The following SHANK2 variants were observed in gnomAD, a reference collection of about 807,000 sequenced individuals.
SHANK2 encodes SH3 and multiple ankyrin repeat domains 2.
In SHANK2, 43 loss-of-function variants were observed where a neutral mutation model predicts 133.7. The ratio of observed to expected loss-of-function variants is 0.32; its 90% CI spans 0.25 to 0.41. SHANK2 has a LOEUF of 0.41. Ranked by LOEUF, SHANK2 falls within the 10% of genes least tolerant of loss-of-function variation. SHANK2 has a pLI of 1.00. For missense variants in SHANK2, 1,994 were observed against 2,235.8 expected, an observed-to-expected ratio of 0.89 and a Z score of 2.18; for synonymous variants, 1,017 against 952.8, an observed-to-expected ratio of 1.07 and a Z score of -1.24.
At chr11:70,566,156 G>A (rs1367386359) in intron 17 of SHANK2, among the ~76,000 whole-genome samples, 1 of 152,040 alleles carries the variant, frequency 6.6e-6, no homozygotes, top group East Asian at 1.9e-4. Flanking sequence ...ACAGTATGGG[G>A]GAGAATGACC....
chr11:70,570,076 C>T (rs1554982779), intron 17 of SHANK2, among the ~76,000 whole-genome samples: 1 of 152,210 alleles, frequency 6.6e-6, no homozygotes, highest in Non-Finnish European at 1.5e-5. Context: ...GCCTCATAAG[C>T]TGTCGCTACC....
At position 70,863,494 on chromosome 11, in the gene SHANK2, C is replaced by A. The variant is rs781826836; in HGVS notation, c.1174+33007G>T. On this transcript the variant is annotated intron_variant, in intron 11 of 25. Transcript: ENST00000601538. ...AGACACGGATTCTGTGGGGGGTTTT[C>A]CTTATCTCTAGGACTCGCCCACCTG... 8.7e-6 allele frequency: 4 copies of A among 457,866 alleles called. 1 individual carries two copies. Among genetic ancestry groups the A allele is most frequent in the South Asian group, 6.2e-5 (4 of 64,572 alleles). 28.4% of individuals were successfully genotyped at this position (457,866 alleles called of 1,614,324 possible). A position where few individuals can be genotyped will look rare whatever the true frequency, so the allele number is the denominator to read the frequency against.
intron 15 of SHANK2, among the ~76,000 whole-genome samples, chr11:70,690,709 AAATAT>A (rs1945270512): frequency 6.7e-6 from 1 of 148,488 alleles, no homozygotes; most frequent in Admixed American, 6.7e-5. Flanking sequence ...ATATAAATAT[AAATAT>A]AAATATACCA....
chr11:70,738,016 G>C (rs1218236248), intron 14 of SHANK2, among the ~76,000 whole-genome samples: 2 of 152,236 alleles, frequency 1.3e-5, no homozygotes, highest in Non-Finnish European at 1.5e-5. Context: ...CCGGGTGCCG[G>C]GCTCGGCAAC....
At position 71,225,458 on chromosome 11, in the gene SHANK2, A is replaced by G. The variant is rs7951482; in HGVS notation, c.-112-662T>C. Among the ~76,000 whole-genome samples the G allele has an allele frequency of 8.1e-3, 1,227 of 152,314 alleles. 10 individuals carry two copies. Among genetic ancestry groups the G allele is most frequent in the Non-Finnish European group, 0.013 (909 of 68,014 alleles). On this transcript the variant is annotated intron_variant, in intron 1 of 25. Coordinates refer to ENST00000601538, the MANE Select transcript of SHANK2 (RefSeq NM_012309.5). ...GGCAGCATGGGGAGCCTGGATTTCT[A>G]TGGCACCTGTCAGTAATGAGGTGAC... is the stretch of plus-strand genomic sequence containing the variant.
At chr11:70,843,298 T>C (rs1261724703) in intron 11 of SHANK2, among the ~76,000 whole-genome samples, 4 of 10,574 alleles carry the variant, frequency 3.8e-4, no homozygotes, top group Non-Finnish European at 7.3e-4. Flanking sequence ...TGCTAAAGGG[T>C]GGGCTGGGCT....
At chr11:71,089,773 C>T (rs974805898) in intron 8 of SHANK2, among the ~76,000 whole-genome samples, 1 of 152,166 alleles carries the variant, frequency 6.6e-6, no homozygotes, top group Non-Finnish European at 1.5e-5. Flanking sequence ...AGGGAATGAG[C>T]GTGGCCAGGG....
intron 2 of SHANK2, among the ~76,000 whole-genome samples, chr11:71,202,488 A>G (rs1353188557): frequency 3.3e-5 from 5 of 152,200 alleles, no homozygotes; most frequent in African/African-American, 9.7e-5. Flanking sequence ...GACAAGGCAG[A>G]GCTAGGACCC....
Position 70,479,307 on chromosome 11 carries a change from ATAACTTTT to A in SHANK2, c.4980-5876_4980-5869del, listed in dbSNP as rs1382298156. ...GTGCTCTGGGACCAGCTGGGCAGAG[ATAACTTTT>A]TAACAACCCAAAGTTATTTGAAAAT... On this transcript the variant is annotated intron_variant, in intron 25 of 25. Transcript: ENST00000601538. The surrounding 1 kb of genome is among the most constrained non-coding windows in gnomAD (Gnocchi z 4.4). 6.6e-6 allele frequency among the ~76,000 whole-genome samples: 1 copy of A among 152,246 alleles called. No homozygotes were observed. The highest frequency in any genetic ancestry group is 1.5e-5 in the Non-Finnish European group (1 of 68,046).
intron 14 of SHANK2, among the ~76,000 whole-genome samples, chr11:70,706,334 G>A (rs897677003): frequency 4.6e-5 from 7 of 152,286 alleles, no homozygotes; most frequent in African/African-American, 1.7e-4. Context: ...GTGAGCGAAT[G>A]GGTCAAAGCC....
At chr11:70,682,291 G>T (rs953462694) in intron 15 of SHANK2, among the ~76,000 whole-genome samples, 1 of 152,214 alleles carries the variant, frequency 6.6e-6, no homozygotes, top group African/African-American at 2.4e-5. Flanking sequence ...ACGAACCCAT[G>T]GGCATGGAAG....
chr11:70,752,641 G>C (rs1180945461), intron 14 of SHANK2, among the ~76,000 whole-genome samples: 1 of 150,070 alleles, frequency 6.7e-6, no homozygotes, highest in Non-Finnish European at 1.5e-5. Flanking sequence ...GGGAGGCGGA[G>C]CTTGCAGTGA....
At chr11:70,733,703 G>A (rs371679936) in intron 14 of SHANK2, among the ~76,000 whole-genome samples, 17 of 152,210 alleles carry the variant, frequency 1.1e-4, no homozygotes, top group Non-Finnish European at 1.6e-4. Flanking sequence ...GTCATGGAGA[G>A]GGGGGTGGCA....
chr11:70,690,861 T>G (rs187882171), intron 15 of SHANK2, among the ~76,000 whole-genome samples: 206 of 152,150 alleles, frequency 1.4e-3, no homozygotes, highest in African/African-American at 4.7e-3. Context: ...AAAGCCTCAT[T>G]TTTTCCAGCA....
chr11:71,079,608 A>C, intron 8 of SHANK2, among the ~76,000 whole-genome samples: 1 of 150,956 alleles, frequency 6.6e-6, no homozygotes, highest in Non-Finnish European at 1.5e-5. Flanking sequence ...AAAATACAAA[A>C]AATTAGCCGG....
At chr11:70,548,983 C>T (rs11236603) in intron 17 of SHANK2, among the ~76,000 whole-genome samples, 23,608 of 151,958 alleles carry the variant, frequency 0.16, 2,055 homozygotes, top group East Asian at 0.38. Flanking sequence ...GCTCCTCCCC[C>T]AGGGCCTTCC....
At chr11:70,878,956 TC>T (rs1949614824) in intron 11 of SHANK2, among the ~76,000 whole-genome samples, 1 of 152,048 alleles carries the variant, frequency 6.6e-6, no homozygotes, top group Non-Finnish European at 1.5e-5. Flanking sequence ...TTACCATCTC[TC>T]CCCCAGGGGA....
intron 11 of SHANK2, among the ~76,000 whole-genome samples, chr11:70,837,152 T>C (rs1039185474): frequency 1.3e-5 from 2 of 152,210 alleles, no homozygotes; most frequent in Admixed American, 1.3e-4. Flanking sequence ...CACCAGTCTA[T>C]GGTATTTTTT....
chr11:71,076,377 G>A (rs906049173), intron 8 of SHANK2, among the ~76,000 whole-genome samples: 18 of 152,032 alleles, frequency 1.2e-4, no homozygotes, highest in Non-Finnish European at 2.4e-4. Context: ...GACAGATAGA[G>A]GTGAATTTCA....
Sources: allele counts gnomAD v4.1 joint callset (sites outside exome capture counted in the v4.1 genomes callset), GRCh38; gene constraint gnomAD v4.1.1; non-coding constraint Gnocchi (gnomAD v3.1); transcripts MANE v1.5; gene names NCBI Gene and HGNC (gene_info 2026-07-23, HGNC 2026-07-21).